The following SDK1 variants were observed in gnomAD, a reference collection of about 807,000 sequenced individuals.
SDK1 encodes the protein sidekick cell adhesion molecule 1.
In SDK1, 157 loss-of-function variants were observed where a neutral mutation model predicts 245.5. The observed-to-expected ratio is 0.64, with a 90% CI of 0.56 to 0.73. SDK1 has a LOEUF of 0.73. Among genes scored for constraint, SDK1 ranks in the 30% least tolerant of loss-of-function variants. The pLI is 0.00. For synonymous variants in SDK1, 1,647 were observed against 1,278.5 expected (o/e 1.29, Z -6.15); for missense variants, 3,583 against 3,002.3 (o/e 1.19, Z -4.52).
chr7:3,756,693 C>T (rs962871503), intron 4 of SDK1, among the ~76,000 whole-genome samples: 2 of 152,062 alleles, frequency 1.3e-5, no homozygotes, highest in Admixed American at 1.3e-4. Flanking sequence ...AATCTGTGAC[C>T]ATTTTTACTC....
At chr7:4,164,367 T>A (rs1297435188) in intron 32 of SDK1, among the ~76,000 whole-genome samples, 1 of 152,004 alleles carries the variant, frequency 6.6e-6, no homozygotes, top group African/African-American at 2.4e-5. Context: ...TGAGCTCAGG[T>A]CTCACACAAC....
chr7:3,382,910 A>T (rs190279552), intron 1 of SDK1, among the ~76,000 whole-genome samples: 1 of 152,102 alleles, frequency 6.6e-6, no homozygotes, highest in East Asian at 1.9e-4. Flanking sequence ...TGATCAACAT[A>T]TATTCTCTTC....
rs1783896029 is a variant in SDK1, at chr7:4,118,963, CAG to C, written c.3823+4692_3823+4693del. ...AATGGGAAGTGATGGGTGATGGAAACAGAGCTTCTTTTGGGGATGATGAGATG... is the reference window on the plus strand; with the variant it reads ...AATGGGAAGTGATGGGTGATGGAAACAGCTTCTTTTGGGGATGATGAGATG... On this transcript the variant is annotated intron_variant, in intron 25 of 44. Coordinates refer to ENST00000404826, the MANE Select transcript of SDK1 (RefSeq NM_152744.4). Among the ~76,000 whole-genome samples the C allele has an allele frequency of 1.3e-5, 2 of 148,488 alleles. 1 individual carries two copies. Among genetic ancestry groups the C allele is most frequent in the Non-Finnish European group, 3.0e-5 (2 of 66,614 alleles).
chr7:3,356,854 A>T (rs979284560), intron 1 of SDK1, among the ~76,000 whole-genome samples: 7 of 151,918 alleles, frequency 4.6e-5, no homozygotes, highest in African/African-American at 7.3e-5. Flanking sequence ...TCAGGAGTTC[A>T]AGACCAGCCT....
At chr7:4,099,753 G>A (rs1332025500) in intron 22 of SDK1, among the ~76,000 whole-genome samples, 2 of 147,576 alleles carry the variant, frequency 1.4e-5, no homozygotes, top group African/African-American at 5.0e-5. Context: ...AGAGTGGGGC[G>A]TGTGTGAGCG....
chr7:3,475,470 A>G (rs938774447), intron 1 of SDK1, among the ~76,000 whole-genome samples: 10 of 152,204 alleles, frequency 6.6e-5, no homozygotes, highest in African/African-American at 2.2e-4. Context: ...TGCTGCGATG[A>G]CTTGATTTCG....
At chr7:4,060,168 A>G (rs1779446008) in intron 19 of SDK1, among the ~76,000 whole-genome samples, 1 of 152,224 alleles carries the variant, frequency 6.6e-6, no homozygotes, top group Non-Finnish European at 1.5e-5. Context: ...GGCGTGAGCC[A>G]CCACGCCCGG....
intron 1 of SDK1, among the ~76,000 whole-genome samples, chr7:3,513,528 A>C (rs1040524822): frequency 2.6e-5 from 4 of 152,236 alleles, no homozygotes; most frequent in Admixed American, 1.3e-4. Context: ...TGATGTGGCC[A>C]ACAGATGAAG....
At chr7:4,071,868 T>A in intron 20 of SDK1, among the ~76,000 whole-genome samples, 1 of 152,226 alleles carries the variant, frequency 6.6e-6, no homozygotes, top group East Asian at 1.9e-4. Flanking sequence ...TTTGGAAATC[T>A]GGCAGAGACT....
At chr7:3,415,469 C>T (rs566125866) in intron 1 of SDK1, among the ~76,000 whole-genome samples, 8 of 151,868 alleles carry the variant, frequency 5.3e-5, no homozygotes, top group African/African-American at 1.7e-4. Context: ...TAAAAAACAA[C>T]GGTGAAAAAT....
chr7:3,943,321 C>G (rs549272887), intron 5 of SDK1, among the ~76,000 whole-genome samples: 1 of 49,810 alleles, frequency 2.0e-5, no homozygotes, highest in Admixed American at 2.6e-4. Context: ...GCCTTCCCAC[C>G]AGGCTCAAGG....
intron 22 of SDK1, among the ~76,000 whole-genome samples, chr7:4,086,341 A>T (rs952490314): frequency 6.6e-6 from 1 of 152,150 alleles, no homozygotes; most frequent in Non-Finnish European, 1.5e-5. Context: ...TACAACATAC[A>T]TGTGTCATCT....
At chr7:3,356,782 G>C (rs1251847648) in intron 1 of SDK1, among the ~76,000 whole-genome samples, 1 of 152,106 alleles carries the variant, frequency 6.6e-6, no homozygotes, top group African/African-American at 2.4e-5. Context: ...CTGAGGCCAG[G>C]CACGGTGGCT....
At chr7:4,230,279 A>G (rs1176102143) in intron 40 of SDK1, among the ~76,000 whole-genome samples, 2 of 151,050 alleles carry the variant, frequency 1.3e-5, no homozygotes, top group African/African-American at 2.4e-5. Context: ...GAATGGATGA[A>G]TGGATGGGTG....
At chr7:3,870,891 T>C (rs1163248104) in intron 5 of SDK1, among the ~76,000 whole-genome samples, 1 of 152,230 alleles carries the variant, frequency 6.6e-6, no homozygotes, top group Non-Finnish European at 1.5e-5. Context: ...TTCTCATCCC[T>C]TCCTTGTTTT....
At chr7:4,141,237 AG>A (rs895917562) in intron 28 of SDK1, among the ~76,000 whole-genome samples, 4 of 152,246 alleles carry the variant, frequency 2.6e-5, no homozygotes, top group African/African-American at 9.6e-5. Context: ...CTCACCTTGG[AG>A]GACAGAAGAG....
Position 4,017,151 on chromosome 7 carries a change from G to T in SDK1, c.2421-20G>T. On this transcript the variant is annotated intron_variant, in intron 16 of 44. Transcript: ENST00000404826. ...GGTCCAGTTATTTCCTTATCGTGATGGGCTTCCTTCGTGGCGCAGGTACCG... is the reference window on the plus strand; with the variant it reads ...GGTCCAGTTATTTCCTTATCGTGATTGGCTTCCTTCGTGGCGCAGGTACCG... 1.3e-6 allele frequency: 2 copies of T among 1,589,738 alleles called. No homozygotes were observed. The highest frequency in any genetic ancestry group is 1.7e-6 in the Non-Finnish European group (2 of 1,167,394).
intron 1 of SDK1, among the ~76,000 whole-genome samples, chr7:3,483,853 A>G (rs1375309164): frequency 1.3e-5 from 2 of 152,304 alleles, no homozygotes; most frequent in African/African-American, 2.4e-5. Context: ...TATCATTAAA[A>G]TGTTTATATA....
At chr7:3,375,154 A>G (rs2128564742) in intron 1 of SDK1, among the ~76,000 whole-genome samples, 1 of 151,360 alleles carries the variant, frequency 6.6e-6, no homozygotes, top group East Asian at 2.0e-4. Context: ...TCTCACATGT[A>G]ATAAAGCTAA....
Sources: allele counts gnomAD v4.1 joint callset (sites outside exome capture counted in the v4.1 genomes callset), GRCh38; gene constraint gnomAD v4.1.1; transcripts MANE v1.5; gene names NCBI Gene and HGNC (gene_info 2026-07-23, HGNC 2026-07-21).